ATP13A5: variants seen among roughly 807,000 people sequenced by gnomAD.
ATP13A5 encodes ATPase 13A5, also known as probable cation-transporting ATPase 13A5.
A neutral mutation model predicts 150.2 loss-of-function variants in ATP13A5; 149 were observed. The observed-to-expected ratio is 0.99, with a 90% confidence interval of 0.87 to 1.14. The LOEUF (loss-of-function observed/expected upper bound fraction) is 1.14, where lower values mean the gene tolerates loss of function less well. Ranked by LOEUF, ATP13A5 falls within the 50% of genes most tolerant of loss-of-function variation. The probability of loss-of-function intolerance (pLI) is 0.00; values close to 1 mark genes in which losing one functional copy is unlikely to be tolerated. For missense variants in ATP13A5, 1,383 were observed against 1,449.3 expected (o/e 0.95, Z 0.74); for synonymous variants, 497 against 522.2 (o/e 0.95, Z 0.66).
chr3:193,374,301 C>CAG lies in ATP13A5; in HGVS notation c.63+4360_63+4361dup, dbSNP rs4019161. On this transcript the variant is annotated intron_variant, in intron 1 of 29. Coordinates refer to ENST00000342358, the MANE Select transcript of ATP13A5 (RefSeq NM_198505.4). ...GCACACACACACACACACACACACACAGAGAGAGAGAGAGGAAAGATTCCA... is the reference window on the plus strand; with the variant it reads ...GCACACACACACACACACACACACACAGAGAGAGAGAGAGAGGAAAGATTCCA... Among the ~76,000 whole-genome samples the CAG allele has an allele frequency of 2.8e-3, 403 of 144,290 alleles. 2 individuals are homozygous for CAG. The highest frequency in any genetic ancestry group is 4.2e-3 in the African/African-American group (162 of 38,954). The allele number at this position is 144,290 out of a possible 152,430, so 94.7% of individuals were successfully genotyped here.
chr3:193,275,157 TC>T lies in ATP13A5; in HGVS notation c.3541del (p.Asp1181MetfsTer84). The T allele has an allele frequency of 1.2e-6, 2 of 1,614,220 alleles. No homozygotes were observed. Among genetic ancestry groups the T allele is most frequent in the South Asian group, 2.2e-5 (2 of 91,088 alleles). On this transcript the variant is annotated frameshift_variant, in exon 30 of 30. Transcript: ENST00000342358. LOFTEE classifies it low-confidence loss of function (END_TRUNC). ...GTTGATGTAGAATCCATTTTTGCCATCACCTGAATAATCTGTCCTGTTTATG... is the reference window on the plus strand; with the variant it reads ...GTTGATGTAGAATCCATTTTTGCCATACCTGAATAATCTGTCCTGTTTATG... ...PPINRTDYSG[D>X]GKNGFYINGG...
rs759147162 is a variant in ATP13A5, at chr3:193,285,005, G to C, written c.3135C>G (p.Thr1045=). 6.2e-7 allele frequency: 1 copy of C among 1,614,018 alleles called. No homozygotes were observed. The highest frequency in any genetic ancestry group is 1.7e-5 in the Admixed American group (1 of 60,022). ...IPGSILSFET[T]TLWPITTINY... is the part of the protein sequence containing the mutation. ...TGATGGTGGTGATGGGCCACAGTGT[G>C]GTGGTCTCAAAACTTAAAATTGAAC... is the stretch of plus-strand genomic sequence containing the variant. The change falls in exon 27 of 30, where the codon ACC becomes ACG. Residue 1045 remains threonine (T), a synonymous_variant. Coordinates refer to ENST00000342358, the MANE Select transcript of ATP13A5 (RefSeq NM_198505.4).
At chr3:193,344,536 G>A (rs1306986499) in intron 8 of ATP13A5, among the ~76,000 whole-genome samples, 3 of 152,306 alleles carry the variant, frequency 2.0e-5, no homozygotes, top group East Asian at 3.9e-4. Flanking sequence ...TGTCCAGACA[G>A]CTATCTAAAA....
intron 17 of ATP13A5, 51 bp from the exon 18 acceptor site, chr3:193,315,147 T>C: frequency 3.9e-6 from 6 of 1,527,686 alleles, no homozygotes; most frequent in Non-Finnish European, 3.5e-6. Context: ...GTAGGCTCCA[T>C]AGTTCAATTT....
intron 1 of ATP13A5, among the ~76,000 whole-genome samples, 190 bp downstream of exon 1, chr3:193,378,473 T>C (rs367799112): frequency 1.3e-5 from 2 of 152,214 alleles, no homozygotes; most frequent in South Asian, 4.1e-4. Context: ...CACAAGTTTC[T>C]CAGCCCCTGC....
chr3:193,288,282 A>C (rs1262810901), intron 26 of ATP13A5, among the ~76,000 whole-genome samples: 1 of 152,170 alleles, frequency 6.6e-6, no homozygotes, highest in African/African-American at 2.4e-5. Flanking sequence ...GAGATGGGAT[A>C]AAATGCTATT....
intron 9 of ATP13A5, among the ~76,000 whole-genome samples, chr3:193,336,413 G>A (rs1033509036): frequency 6.6e-6 from 1 of 152,048 alleles, no homozygotes; most frequent in Non-Finnish European, 1.5e-5. Flanking sequence ...ACAGGCCCCG[G>A]TGTGTGATGT....
intron 25 of ATP13A5, among the ~76,000 whole-genome samples, chr3:193,294,945 C>T (rs1029166842): frequency 6.6e-6 from 1 of 152,108 alleles, no homozygotes; most frequent in African/African-American, 2.4e-5. Context: ...CTGAGAGCTG[C>T]AGCGTGCTGC....
chr3:193,310,533 A>G, intron 21 of ATP13A5, 105 bp downstream of exon 21: 1 of 844,872 alleles, frequency 1.2e-6, no homozygotes, highest in Non-Finnish European at 1.8e-6. Flanking sequence ...AACATTTGTT[A>G]TTTTTGACTT....
chr3:193,374,338 G>C (rs1251923231), intron 1 of ATP13A5, among the ~76,000 whole-genome samples: 2 of 147,650 alleles, frequency 1.4e-5, no homozygotes, highest in African/African-American at 5.0e-5. Flanking sequence ...GGGTGCATAA[G>C]TGTGGGAAAT....
chr3:193,362,813 C>CTTTCTTTTTCTTTCTTTG (rs59105884), intron 3 of ATP13A5, among the ~76,000 whole-genome samples, 176 bp from the exon 4 acceptor site: 1 of 111,962 alleles, frequency 8.9e-6, no homozygotes, highest in African/African-American at 3.3e-5. Context: ...TTCTTTCTTT[C>CTTTCTTTTTCTTTCTTTG]AGACAGGGTC....
At chr3:193,303,026 GCATCTGAAGTTCGAATGC>G (rs1718464777) in intron 23 of ATP13A5, among the ~76,000 whole-genome samples, 1 of 152,190 alleles carries the variant, frequency 6.6e-6, no homozygotes, top group African/African-American at 2.4e-5. Context: ...ATGAGGAGGA[GCATCTGAAGTTCGAATGC>G]CACTGCATGT....
chr3:193,372,222 G>T (rs763991597), intron 1 of ATP13A5: 15 of 168,864 alleles, frequency 8.9e-5, no homozygotes, highest in Admixed American at 1.8e-4. Flanking sequence ...GCTTGAACCT[G>T]GGAGGCAGAC....
chr3:193,301,338 G>C, intron 23 of ATP13A5, 31 bp from the exon 24 acceptor site: 2 of 1,553,818 alleles, frequency 1.3e-6, no homozygotes, highest in Non-Finnish European at 1.8e-6. Flanking sequence ...ATAAAAATTG[G>C]TTATGTATGA....
At chr3:193,322,327 G>A (rs979803163) in intron 15 of ATP13A5, among the ~76,000 whole-genome samples, 164 bp downstream of exon 15, 6 of 152,112 alleles carry the variant, frequency 3.9e-5, no homozygotes, top group African/African-American at 1.4e-4. Context: ...AGTGTTTGTT[G>A]AATAAATTAA....
Position 193,275,219 on chromosome 3 carries a change from C to T in ATP13A5, c.3480G>A (p.Trp1160Ter), listed in dbSNP as rs368507651. The T allele has an allele frequency of 1.8e-5, 29 of 1,614,036 alleles. No individual in the cohort carries two copies. Among genetic ancestry groups the T allele is most frequent in the Non-Finnish European group, 2.5e-5 (29 of 1,180,052 alleles). Reference sequence around the variant, plus strand: ...TTGAGTCTTCTGCTAGCTTCTTTTGCCAAGTCCTATATTGACTTTTAGAGT... The same window carrying T: ...TTGAGTCTTCTGCTAGCTTCTTTTGTCAAGTCCTATATTGACTTTTAGAGT... ...GFYSKSQYRT[W>*]QKKLAEDSTW... is the part of the protein sequence containing the mutation. The change falls in exon 30 of 30, where the codon TGG becomes TGA. Residue 1160 changes from tryptophan to a stop codon, truncating the protein, a stop_gained. Transcript: ENST00000342358. LOFTEE classifies it low-confidence loss of function (END_TRUNC).
rs150495266 is a variant in ATP13A5, at chr3:193,315,044, G to T, written c.2086C>A (p.Arg696Ser). 6.2e-7 allele frequency: 1 copy of T among 1,613,410 alleles called. No homozygotes were observed. Among genetic ancestry groups the T allele is most frequent in the East Asian group, 2.2e-5 (1 of 44,858 alleles). ...ACCAGTTTGGTTTCTTTTTTCAAGC[G>T]ATTCTCCATGATGAGAAGTCCCAGA... is the stretch of plus-strand genomic sequence containing the variant. ...TFLGLLIMEN[R>S]LKKETKLVLK... Residue 696 changes from arginine (R) to serine (S), a missense_variant, in exon 18 of 30, where the codon CGC (arginine) becomes AGC (serine). Physicochemically the swap from Arg to Ser is moderately radical, Grantham distance 110. Around this residue, in one of 3 missense-constraint regions of ATP13A5, gnomAD observed 568 missense variants for 621.5 expected, o/e 0.91. Transcript: ENST00000342358.
rs182661663 is a variant in ATP13A5, at chr3:193,289,944, C to A, written c.2964G>T (p.Gln988His). ...GCTTCACATAGAGAAATGCACTGATCTGCACAATGCAGGAGAAACAGGAAT... is the reference window on the plus strand; with the variant it reads ...GCTTCACATAGAGAAATGCACTGATATGCACAATGCAGGAGAAACAGGAAT... ...FLNSCFSCIVQISAFLYVKQQ... is the reference protein window; with the variant it reads ...FLNSCFSCIVHISAFLYVKQQ... Residue 988 changes from glutamine (Q) to histidine (H), a missense_variant, in exon 26 of 30, where the codon CAG becomes CAT. Coordinates refer to ENST00000342358, the MANE Select transcript of ATP13A5 (RefSeq NM_198505.4). 4 of 1,612,778 alleles carry A rather than the reference C, an allele frequency of 2.5e-6. No individual in the cohort carries two copies. Among genetic ancestry groups the A allele is most frequent in the Middle Eastern group, 1.7e-4 (1 of 6,052 alleles).
intron 1 of ATP13A5, chr3:193,372,118 G>GT (rs1713464001): frequency 6.5e-6 from 1 of 154,568 alleles, no homozygotes; most frequent in Admixed American, 6.5e-5. Context: ...ACAACATGGT[G>GT]AAACCCTGTC....
Sources: allele counts gnomAD v4.1 joint callset (sites outside exome capture counted in the v4.1 genomes callset), GRCh38; gene constraint gnomAD v4.1.1; regional missense constraint gnomAD v4.1.1; transcripts MANE v1.5; gene names NCBI Gene and HGNC (gene_info 2026-07-23, HGNC 2026-07-21).